The following DISP3 variants were observed in gnomAD, a reference collection of about 807,000 sequenced individuals.
DISP3 encodes the protein protein dispatched homolog 3.
A neutral mutation model predicts 135.3 loss-of-function variants in DISP3; 101 were observed. That is an observed-to-expected ratio of 0.75 (90% confidence interval 0.64 to 0.88). The LOEUF (loss-of-function observed/expected upper bound fraction) is 0.88, where lower values mean the gene tolerates loss of function less well. Among genes scored for constraint, DISP3 ranks in the 40% least tolerant of loss-of-function variants. DISP3 has a pLI of 0.00. For synonymous variants in DISP3, 856 were observed against 817.0 expected (o/e 1.05, Z -0.81); for missense variants, 1,713 against 1,878.6 (o/e 0.91, Z 1.63).
At chr1:11,508,872 T>A (rs1641778723) in intron 3 of DISP3, among the ~76,000 whole-genome samples, 1 of 152,204 alleles carries the variant, frequency 6.6e-6, no homozygotes. Flanking sequence ...TTTCAATGAT[T>A]TTCTCCATTG....
intron 5 of DISP3, among the ~76,000 whole-genome samples, 160 bp downstream of exon 5, chr1:11,515,663 CG>C (rs1171097344): frequency 3.9e-5 from 6 of 152,092 alleles, no homozygotes; most frequent in Non-Finnish European, 7.4e-5. Flanking sequence ...GGGTGGTGGG[CG>C]GATCCTTGGC....
In DISP3 at chr1:11,523,534, C is replaced by T. The variant is rs189037348; in HGVS notation, c.2363-408C>T. 2.0e-3 allele frequency among the ~76,000 whole-genome samples: 245 copies of T among 122,036 alleles called. 1 individual carries two copies. Among genetic ancestry groups the T allele is most frequent in the South Asian group, 0.013 (48 of 3,582 alleles). 80.1% of individuals were successfully genotyped at this position (122,036 alleles called of 152,430 possible). ...AGGGGGCAGAGTGGCACAGAGAGGG[C>T]GAGCAGGGGGCAGAGTGGCACAGAG... On this transcript the variant is annotated intron_variant, in intron 10 of 20. Coordinates refer to ENST00000294484, the MANE Select transcript of DISP3 (RefSeq NM_020780.2).
In DISP3 at chr1:11,523,615, CAG is replaced by C. The variant is rs1401423979; in HGVS notation, c.2363-323_2363-322del. Among the ~76,000 whole-genome samples the C allele has an allele frequency of 1.8e-4, 24 of 137,098 alleles. 1 individual carries two copies. The highest frequency in any genetic ancestry group is 6.8e-4 in the African/African-American group (24 of 35,264). The allele number at this position is 137,098 out of a possible 152,430, so 89.9% of individuals were successfully genotyped here. A position where few individuals can be genotyped will look rare whatever the true frequency, so the allele number is the denominator to read the frequency against. On this transcript the variant is annotated intron_variant, in intron 10 of 20. Transcript: ENST00000294484. ...ATGGCAAGCAGGGGGCAGAGTGGCACAGAGACGGCGAGCAGGGGGCAGAGTGG... is the reference window on the plus strand; with the variant it reads ...ATGGCAAGCAGGGGGCAGAGTGGCACAGACGGCGAGCAGGGGGCAGAGTGG...
rs150589850 is a variant in DISP3 at position 11,531,755 on chromosome 1, C to A, written c.3375+45C>A. 6.5e-7 allele frequency: 1 copy of A among 1,549,032 alleles called. No individual in the cohort carries two copies. The highest frequency in any genetic ancestry group is 8.7e-7 in the Non-Finnish European group (1 of 1,147,240). On this transcript the variant is annotated intron_variant, in intron 17 of 20. Transcript: ENST00000294484. The surrounding 1 kb of genome is among the most constrained non-coding windows in gnomAD (Gnocchi z 5.2). ...CTGGGTGCCATGCTGCGTACTTGCC[C>A]GGGGTGTGCCACCTCTGATCCCAGC... is the stretch of plus-strand genomic sequence containing the variant.
At chr1:11,523,042 G>T (rs1489094308) in intron 10 of DISP3, among the ~76,000 whole-genome samples, 1 of 152,168 alleles carries the variant, frequency 6.6e-6, no homozygotes, top group Non-Finnish European at 1.5e-5. Flanking sequence ...CCTCTTGGAG[G>T]GACCCCTTCA....
intron 13 of DISP3, among the ~76,000 whole-genome samples, chr1:11,528,946 G>A (rs569849995): frequency 7.2e-5 from 11 of 152,324 alleles, no homozygotes; most frequent in South Asian, 2.1e-4. Flanking sequence ...ACCCTGACTC[G>A]GGGGTGGGGG....
At chr1:11,485,220 C>T (rs190942801) in intron 1 of DISP3, among the ~76,000 whole-genome samples, 4 of 152,176 alleles carry the variant, frequency 2.6e-5, no homozygotes, top group East Asian at 1.9e-4. Context: ...GGGGCTGAGA[C>T]GGCATGATCC....
intron 1 of DISP3, among the ~76,000 whole-genome samples, chr1:11,493,121 C>T (rs1641233303): frequency 6.6e-6 from 1 of 152,114 alleles, no homozygotes; most frequent in Non-Finnish European, 1.5e-5. Context: ...TGAGAAGCCC[C>T]AAGATCTGCA....
chr1:11,512,411 C>A (rs1641881669), intron 3 of DISP3, among the ~76,000 whole-genome samples: 1 of 152,192 alleles, frequency 6.6e-6, no homozygotes, highest in South Asian at 2.1e-4. Context: ...TGAATCATCT[C>A]TCTCAAGTTC....
At chr1:11,518,864 G>C (rs980176460) in intron 7 of DISP3, among the ~76,000 whole-genome samples, 25 of 152,160 alleles carry the variant, frequency 1.6e-4, no homozygotes, top group African/African-American at 6.0e-4. Flanking sequence ...CACACACACA[G>C]CGCTCGTATC....
At chr1:11,523,832 G>C in intron 10 of DISP3, 110 bp from the exon 11 acceptor site, 1 of 788,174 alleles carries the variant, frequency 1.3e-6, no homozygotes, top group Non-Finnish European at 2.0e-6. Flanking sequence ...CCAGTCCCTG[G>C]GCCCCAGTTC....
chr1:11,502,169 C>T (rs1641561008), intron 2 of DISP3, 81 bp downstream of exon 2: 5 of 1,472,116 alleles, frequency 3.4e-6, no homozygotes, highest in Non-Finnish European at 4.5e-6. Context: ...AGGCCAGGCC[C>T]AGGCCCAGGC....
rs575439279 is a variant in DISP3, at chr1:11,536,140, G to A, written c.3817-184G>A. ...CACAGGACCTACTGTGCAGACCCTC[G>A]CGTCCTGTTGCCATAGCAACACCTA... On this transcript the variant is annotated intron_variant, in intron 20 of 20. Coordinates refer to ENST00000294484, the MANE Select transcript of DISP3 (RefSeq NM_020780.2). The surrounding 1 kb of genome is among the most constrained non-coding windows in gnomAD (Gnocchi z 4.3). Among the ~76,000 whole-genome samples the A allele has an allele frequency of 3.3e-5, 5 of 152,184 alleles. No homozygotes were observed. The highest frequency in any genetic ancestry group is 3.9e-4 in the East Asian group (2 of 5,180).
Position 11,517,520 on chromosome 1 carries a change from CTGGCCG to C in DISP3, c.1810_1815del (p.Ala604_Val605del). 2 of 1,614,232 alleles carry C rather than the reference CTGGCCG, an allele frequency of 1.2e-6. No individual in the cohort carries two copies. The highest frequency in any genetic ancestry group is 1.7e-6 in the Non-Finnish European group (2 of 1,180,048). ...GTCTCTCATCGTGTCCTGTTGCTGG[CTGGCCG>C]TGCTTGTCACCATGCCTGCAGCTCT... On this transcript the variant is annotated inframe_deletion, in exon 7 of 21. Transcript: ENST00000294484.
intron 1 of DISP3, among the ~76,000 whole-genome samples, chr1:11,486,323 A>G (rs939554034): frequency 2.0e-5 from 3 of 152,200 alleles, no homozygotes; most frequent in African/African-American, 7.2e-5. Context: ...CCTGCAATCC[A>G]GGCCTGGGAG....
Position 11,529,952 on chromosome 1 carries a change from G to A in DISP3, c.3095G>A (p.Gly1032Glu). Residue 1032 changes from glycine (G) to glutamate (E), a missense_variant, in exon 15 of 21, where the codon GGA becomes GAA. Gly to Glu is a moderately conservative substitution (Grantham distance 98). Coordinates refer to ENST00000294484, the MANE Select transcript of DISP3 (RefSeq NM_020780.2). This position sits in a 1 kb window ranked among gnomAD's most constrained non-coding sequence, Gnocchi z 4.7. ...CGGCAGGTGGACAACCACGTCATTG[G>A]AGACCCGGTACGGGGCATGCGTCGG... ...RTRQVDNHVI[G>E]DPGSVVYDSS... 1 of 1,612,812 alleles carries A rather than the reference G, an allele frequency of 6.2e-7. No homozygotes were observed. The highest frequency in any genetic ancestry group is 8.5e-7 in the Non-Finnish European group (1 of 1,179,980).
intron 19 of DISP3, 92 bp from the exon 20 acceptor site, chr1:11,535,386 C>A: frequency 6.7e-7 from 1 of 1,491,578 alleles, no homozygotes; most frequent in Non-Finnish European, 9.0e-7. Context: ...CTCCTGTCAC[C>A]TGAGGGTGGG....
intron 6 of DISP3, 59 bp from the exon 7 acceptor site, chr1:11,517,404 A>G (rs1570116394): frequency 1.9e-6 from 3 of 1,595,488 alleles, no homozygotes; most frequent in Admixed American, 3.3e-5. Flanking sequence ...GGGGGCACCC[A>G]GGCCCCCTGA....
intron 1 of DISP3, among the ~76,000 whole-genome samples, chr1:11,485,824 T>C (rs1641023265): frequency 6.6e-6 from 1 of 152,194 alleles, no homozygotes; most frequent in African/African-American, 2.4e-5. Context: ...GGATGAGAAA[T>C]GTGAAGTGCA....
Sources: allele counts gnomAD v4.1 joint callset (sites outside exome capture counted in the v4.1 genomes callset), GRCh38; gene constraint gnomAD v4.1.1; non-coding constraint Gnocchi (gnomAD v3.1); transcripts MANE v1.5; gene names NCBI Gene and HGNC (gene_info 2026-07-23, HGNC 2026-07-21).